The following ENAH variants were observed in gnomAD, a reference collection of about 807,000 sequenced individuals.
ENAH encodes the protein protein enabled homolog.
A neutral mutation model predicts 78.7 loss-of-function variants in ENAH; 23 were observed. That is an observed-to-expected ratio of 0.29 (90% confidence interval 0.21 to 0.41). ENAH has a LOEUF of 0.41. Among genes scored for constraint, ENAH ranks in the 10% least tolerant of loss-of-function variants. The pLI is 1.00. For missense variants in ENAH, 544 were observed against 691.0 expected, an observed-to-expected ratio of 0.79 and a Z score of 2.39; for synonymous variants, 226 against 241.0, an observed-to-expected ratio of 0.94 and a Z score of 0.58.
At chr1:225,541,847 T>A (rs1399102329) in intron 3 of ENAH, among the ~76,000 whole-genome samples, 2 of 152,160 alleles carry the variant, frequency 1.3e-5, no homozygotes, top group Non-Finnish European at 2.9e-5. Context: ...ACAAGAGTGG[T>A]TCTAGATGGA....
intron 1 of ENAH, among the ~76,000 whole-genome samples, chr1:225,572,964 A>G (rs1324534810): frequency 6.6e-6 from 1 of 152,224 alleles, no homozygotes; most frequent in Admixed American, 6.5e-5. Context: ...CTAAAAACCA[A>G]GACACCAAAT....
intron 1 of ENAH, among the ~76,000 whole-genome samples, chr1:225,587,872 C>T (rs2096855080): frequency 6.6e-6 from 1 of 152,036 alleles, no homozygotes; most frequent in Admixed American, 6.6e-5. Context: ...TTTAAAAAGA[C>T]GTCAGTGGAG....
chr1:225,599,000 A>C (rs2147980148), intron 1 of ENAH, among the ~76,000 whole-genome samples: 1 of 152,348 alleles, frequency 6.6e-6, no homozygotes, highest in African/African-American at 2.4e-5. Context: ...TTAACAAAAT[A>C]ATCAAACTTA....
chr1:225,632,343 C>T (rs942035640), intron 1 of ENAH, among the ~76,000 whole-genome samples: 10 of 151,918 alleles, frequency 6.6e-5, no homozygotes, highest in African/African-American at 2.4e-4. Context: ...ACTGAAAATA[C>T]AAAAATTAGT....
intron 3 of ENAH, among the ~76,000 whole-genome samples, chr1:225,547,068 TTTTTG>T (rs1194005059): frequency 6.7e-6 from 1 of 149,654 alleles, no homozygotes; most frequent in Non-Finnish European, 1.5e-5. Flanking sequence ...GTTGTTGTTG[TTTTTG>T]TTTTGTTTTT....
rs1393138102 is a variant in ENAH at position 225,608,675 on chromosome 1, G to C, written c.6-41261C>G. 4.0e-5 allele frequency among the ~76,000 whole-genome samples: 6 copies of C among 151,778 alleles called. No homozygotes were observed. The East Asian group carries it at 1.2e-3, about 29-fold the overall frequency. ...TACTAACAATACAAAAATTGGCCAG[G>C]TGTGATGGCAGGCACCTGTAATCCC... On this transcript the variant is annotated intron_variant, in intron 1 of 13. Transcript: ENST00000366843.
At chr1:225,578,051 C>T (rs2096796665) in intron 1 of ENAH, among the ~76,000 whole-genome samples, 1 of 152,084 alleles carries the variant, frequency 6.6e-6, no homozygotes, top group Admixed American at 6.5e-5. Context: ...TGCAACATAC[C>T]TGGAGACAGA....
At chr1:225,504,950 A>T in intron 11 of ENAH, 1 of 1,517,880 alleles carries the variant, frequency 6.6e-7, no homozygotes, top group Non-Finnish European at 9.1e-7. Context: ...TGAACATGTT[A>T]TTTAAAAGTC....
At position 225,652,776 on chromosome 1, in the gene ENAH, G is replaced by A; in HGVS notation, c.-86C>T. On this transcript the variant is annotated 5_prime_UTR_variant, in exon 1 of 14. Transcript: ENST00000366843. ...GGGGGGGTCTCTCCTCCAGGGGTGG[G>A]GAGCAGCTCGGAGACGGGAGACAAG... 3 of 1,125,494 alleles carry A rather than the reference G, an allele frequency of 2.7e-6. No homozygotes were observed. Among genetic ancestry groups the A allele is most frequent in the East Asian group, 3.2e-5 (1 of 31,272 alleles). The allele number at this position is 1,125,494 out of a possible 1,614,324, so 69.7% of individuals were successfully genotyped here.
intron 6 of ENAH, chr1:225,515,420 T>A (rs1575362119): frequency 6.6e-6 from 1 of 152,468 alleles, no homozygotes; most frequent in African/African-American, 2.4e-5. Flanking sequence ...TTCAGCATTT[T>A]AAAAAATACT....
At chr1:225,639,852 G>A (rs1176803697) in intron 1 of ENAH, among the ~76,000 whole-genome samples, 2 of 152,008 alleles carry the variant, frequency 1.3e-5, no homozygotes, top group Admixed American at 6.6e-5. Context: ...ACCAAAGATG[G>A]CAAAATGTAC....
chr1:225,643,397 T>TAA (rs751122871), intron 1 of ENAH, among the ~76,000 whole-genome samples: 5 of 141,028 alleles, frequency 3.5e-5, no homozygotes, highest in African/African-American at 1.0e-4. Flanking sequence ...AAACAAAAAA[T>TAA]AAAAAAAAAA....
rs751132143 is a variant in ENAH, at chr1:225,519,255, C to T, written c.745G>A (p.Glu249Lys). 6.2e-7 allele frequency: 1 copy of T among 1,614,232 alleles called. No individual in the cohort carries two copies. The change falls in exon 5 of 14, where the codon GAG becomes AAG. Residue 249 changes from glutamate to lysine, a missense_variant. Physicochemically the swap from Glu to Lys is moderately conservative, Grantham distance 56 (BLOSUM62 1). Coordinates refer to ENST00000366843, the MANE Select transcript of ENAH (RefSeq NM_018212.6). Reference sequence around the variant, plus strand: ...TCCAGCTGTTCCCTTTCTAACTGCTCTTGTCGCTCCCTTTCTTGCCTCTCC... The same window carrying T: ...TCCAGCTGTTCCCTTTCTAACTGCTTTTGTCGCTCCCTTTCTTGCCTCTCC... ...ERERQERERQ[E>K]QLEREQLEWE...
chr1:225,534,628 A>G (rs1409430569), intron 3 of ENAH, among the ~76,000 whole-genome samples: 2 of 152,102 alleles, frequency 1.3e-5, no homozygotes, highest in African/African-American at 4.8e-5. Flanking sequence ...ATCATTTAAT[A>G]ACTTTATCTC....
At chr1:225,600,093 C>T (rs979742941) in intron 1 of ENAH, among the ~76,000 whole-genome samples, 3 of 152,202 alleles carry the variant, frequency 2.0e-5, no homozygotes, top group African/African-American at 4.8e-5. Context: ...ACTGGCACCA[C>T]ACTTCCTATA....
intron 1 of ENAH, among the ~76,000 whole-genome samples, chr1:225,589,888 G>A (rs1009151586): frequency 6.6e-6 from 1 of 152,090 alleles, no homozygotes; most frequent in African/African-American, 2.4e-5. Context: ...CACTCCCCGT[G>A]CAGCTTTTTC....
intron 12 of ENAH, 32 bp from the exon 13 acceptor site, chr1:225,498,436 AG>A (rs1558701645): frequency 7.4e-7 from 1 of 1,343,360 alleles, no homozygotes; most frequent in South Asian, 1.2e-5. Context: ...CCAGAAATAC[AG>A]AACAAAATTA....
At chr1:225,532,031 T>C (rs1470454834) in intron 3 of ENAH, among the ~76,000 whole-genome samples, 1 of 151,340 alleles carries the variant, frequency 6.6e-6, no homozygotes, top group East Asian at 1.9e-4. Flanking sequence ...ATGTAATCAA[T>C]AACAAAAAAA....
At chr1:225,548,035 C>T (rs769866188) in intron 3 of ENAH, among the ~76,000 whole-genome samples, 3 of 152,030 alleles carry the variant, frequency 2.0e-5, no homozygotes, top group Non-Finnish European at 2.9e-5. Flanking sequence ...GTCTAATTTG[C>T]GCTGGCATAC....
Sources: allele counts gnomAD v4.1 joint callset (sites outside exome capture counted in the v4.1 genomes callset), GRCh38; gene constraint gnomAD v4.1.1; transcripts MANE v1.5; gene names NCBI Gene and HGNC (gene_info 2026-07-23, HGNC 2026-07-21).